SHC3: variants seen among roughly 807,000 people sequenced by gnomAD.
SHC3 encodes the protein SHC-transforming protein 3.
Under a neutral mutation model 60.4 loss-of-function variants are expected in SHC3, and 15 were observed. That is an observed-to-expected ratio of 0.25 (90% CI 0.17 to 0.38). The LOEUF is 0.38. Among genes scored for constraint, SHC3 ranks in the 10% least tolerant of loss-of-function variants. The pLI, the probability that SHC3 is intolerant of heterozygous loss-of-function variation, is 1.00. For missense variants in SHC3, 677 were observed against 786.1 expected, an observed-to-expected ratio of 0.86 and a Z score of 1.66; for synonymous variants, 294 against 325.9, an observed-to-expected ratio of 0.90 and a Z score of 1.05.
intron 1 of SHC3, among the ~76,000 whole-genome samples, chr9:89,127,761 T>C (rs1192340109): frequency 6.6e-6 from 1 of 151,448 alleles, no homozygotes; most frequent in East Asian, 1.9e-4. Context: ...CTAGAAGGTA[T>C]GGCAATGTCC....
intron 1 of SHC3, among the ~76,000 whole-genome samples, chr9:89,151,687 G>C (rs1826548007): frequency 6.6e-6 from 1 of 152,064 alleles, no homozygotes; most frequent in Admixed American, 6.5e-5. Context: ...TTCCAGGATA[G>C]AATATTATGC....
chr9:89,119,873 G>A (rs535230181), intron 1 of SHC3, among the ~76,000 whole-genome samples: 16 of 152,302 alleles, frequency 1.1e-4, no homozygotes, highest in South Asian at 6.2e-4. Flanking sequence ...GGGAACAGGC[G>A]AGTCATACAA....
At chr9:89,066,236 T>C (rs777966630) in intron 5 of SHC3, among the ~76,000 whole-genome samples, 2 of 152,180 alleles carry the variant, frequency 1.3e-5, no homozygotes, top group Non-Finnish European at 2.9e-5. Context: ...GTCAAGTTTC[T>C]AGCTGCTGCT....
chr9:89,097,411 C>T (rs1226593875), intron 2 of SHC3, among the ~76,000 whole-genome samples: 1 of 152,142 alleles, frequency 6.6e-6, no homozygotes, highest in Non-Finnish European at 1.5e-5. Context: ...AAGCACTGTG[C>T]CAAACAAAAG....
At chr9:89,170,997 A>T (rs1166367127) in intron 1 of SHC3, among the ~76,000 whole-genome samples, 2 of 152,186 alleles carry the variant, frequency 1.3e-5, no homozygotes, top group African/African-American at 2.4e-5. Context: ...CAAACCCCTC[A>T]TAATTCACTT....
intron 2 of SHC3, among the ~76,000 whole-genome samples, chr9:89,079,558 C>T (rs954194430): frequency 6.6e-6 from 1 of 152,110 alleles, no homozygotes; most frequent in African/African-American, 2.4e-5. Context: ...AATCAGACTC[C>T]AAGGACAGTT....
intron 6 of SHC3, among the ~76,000 whole-genome samples, chr9:89,057,852 A>G (rs1824981339): frequency 6.6e-6 from 1 of 152,292 alleles, no homozygotes; most frequent in African/African-American, 2.4e-5. Context: ...GAGTTTTTAC[A>G]GGTGTGGTTA....
At position 89,009,037 on chromosome 9, in the gene SHC3, C is replaced by G. The variant is rs991437020; in HGVS notation, c.*4410G>C. On this transcript the variant is annotated 3_prime_UTR_variant, in exon 12 of 12. Coordinates refer to ENST00000375835, the MANE Select transcript of SHC3 (RefSeq NM_016848.6). ...GAGATGGAGCACAGATGTAGAACCC[C>G]TGGAGGGAAGCACTGCTTGCCATTT... 1 of 152,288 alleles carries G rather than the reference C, an allele frequency of 6.6e-6. No individual in the cohort carries two copies. Among genetic ancestry groups the G allele is most frequent in the Non-Finnish European group, 1.5e-5 (1 of 68,106 alleles). 9.4% of individuals were successfully genotyped at this position (152,288 alleles called of 1,614,324 possible).
intron 2 of SHC3, among the ~76,000 whole-genome samples, chr9:89,104,726 A>T (rs1825832075): frequency 1.3e-5 from 2 of 152,038 alleles, no homozygotes; most frequent in African/African-American, 4.8e-5. Context: ...TCCCCACACC[A>T]AGCCCATCCT....
chr9:89,080,991 C>A (rs1001781811), intron 2 of SHC3, among the ~76,000 whole-genome samples: 3 of 152,076 alleles, frequency 2.0e-5, no homozygotes, highest in African/African-American at 7.2e-5. Flanking sequence ...TGGTCTTGAT[C>A]TCCTGATCTT....
intron 11 of SHC3, among the ~76,000 whole-genome samples, chr9:89,022,165 G>A (rs1826211938): frequency 6.6e-6 from 1 of 152,102 alleles, no homozygotes; most frequent in Admixed American, 6.5e-5. Flanking sequence ...CATGATCTTA[G>A]CCAAGACCCA....
At chr9:89,046,754 A>G in intron 8 of SHC3, 90 bp downstream of exon 8, 2 of 1,343,866 alleles carry the variant, frequency 1.5e-6, no homozygotes, top group Non-Finnish European at 2.0e-6. Context: ...GAAACAGAAC[A>G]TCAGCCTGAA....
At chr9:89,028,704 C>CTA (rs1230315689) in intron 11 of SHC3, among the ~76,000 whole-genome samples, 2 of 142,208 alleles carry the variant, frequency 1.4e-5, no homozygotes, top group African/African-American at 2.6e-5. Context: ...TCTATATATT[C>CTA]TATATATATC....
At chr9:89,015,647 T>C (rs1038339722) in intron 11 of SHC3, among the ~76,000 whole-genome samples, 2 of 152,248 alleles carry the variant, frequency 1.3e-5, no homozygotes, top group Non-Finnish European at 2.9e-5. Context: ...AGAGAACTTA[T>C]AGCCAGCAGA....
At chr9:89,175,180 G>T (rs1332695481) in intron 1 of SHC3, among the ~76,000 whole-genome samples, 4 of 151,910 alleles carry the variant, frequency 2.6e-5, no homozygotes, top group Non-Finnish European at 5.9e-5. Flanking sequence ...GTCACCAAAA[G>T]AAAAAAGGAA....
At position 89,045,846 on chromosome 9, in the gene SHC3, G is replaced by A; in HGVS notation, c.1114-13C>T. On this transcript the variant is annotated splice_polypyrimidine_tract_variant and intron_variant, in intron 8 of 11. Coordinates refer to ENST00000375835, the MANE Select transcript of SHC3 (RefSeq NM_016848.6). Reference sequence around the variant, plus strand: ...CTTTTCCTGCAAACTATAGACACATGTAAATACACAGAATGAAAAAATTAT... The same window carrying A: ...CTTTTCCTGCAAACTATAGACACATATAAATACACAGAATGAAAAAATTAT... 1 of 1,610,546 alleles carries A rather than the reference G, an allele frequency of 6.2e-7. No individual in the cohort carries two copies. The highest frequency in any genetic ancestry group is 8.5e-7 in the Non-Finnish European group (1 of 1,177,034).
At chr9:89,145,830 G>A (rs1433193379) in intron 1 of SHC3, among the ~76,000 whole-genome samples, 1 of 152,176 alleles carries the variant, frequency 6.6e-6, no homozygotes, top group Non-Finnish European at 1.5e-5. Context: ...ACAACAATGT[G>A]AATGTACTTA....
chr9:89,162,201 C>A (rs1826717570), intron 1 of SHC3, among the ~76,000 whole-genome samples: 1 of 145,944 alleles, frequency 6.9e-6, no homozygotes, highest in African/African-American at 2.5e-5. Flanking sequence ...CCATCCCCAT[C>A]AAGCTACCAA....
intron 2 of SHC3, among the ~76,000 whole-genome samples, chr9:89,112,066 C>T (rs1825955231): frequency 6.6e-6 from 1 of 152,168 alleles, no homozygotes; most frequent in South Asian, 2.1e-4. Flanking sequence ...TATACAAAAC[C>T]TGTTCAAAGT....
Sources: gnomAD v4.1 joint callset for allele counts (sites outside exome capture counted in the v4.1 genomes callset) on GRCh38, gnomAD v4.1.1 for gene constraint, MANE v1.5 for transcripts, NCBI Gene and HGNC (gene_info 2026-07-23, HGNC 2026-07-21) for gene names.